Variants in CDH2 observed in about 807,000 individuals in gnomAD.
The protein encoded by CDH2 is cadherin-2.
Under a neutral mutation model 92.0 loss-of-function variants are expected in CDH2, and 17 were observed. That is an observed-to-expected ratio of 0.18 (90% CI 0.13 to 0.28). The LOEUF is 0.28. Among genes scored for constraint, CDH2 ranks in the 10% least tolerant of loss-of-function variants. The probability of loss-of-function intolerance (pLI) is 1.00; values close to 1 mark genes in which losing one functional copy is unlikely to be tolerated. For missense variants in CDH2, 862 were observed against 1,133.1 expected (o/e 0.76, Z 3.44); for synonymous variants, 419 against 415.9 (o/e 1.01, Z -0.09).
intron 2 of CDH2, among the ~76,000 whole-genome samples, chr18:28,067,818 A>C (rs1422475662): frequency 1.3e-5 from 2 of 152,148 alleles, no homozygotes; most frequent in Non-Finnish European, 2.9e-5. Flanking sequence ...CTTAGGGTCA[A>C]GTTTTAATAT....
At chr18:28,073,330 T>C (rs1276312841) in intron 2 of CDH2, among the ~76,000 whole-genome samples, 1 of 152,196 alleles carries the variant, frequency 6.6e-6, no homozygotes, top group Non-Finnish European at 1.5e-5. Flanking sequence ...AATGAGGGCC[T>C]TTAAAAAGCT....
At chr18:27,959,996 C>G (rs886947597) in intron 15 of CDH2, among the ~76,000 whole-genome samples, 4 of 146,642 alleles carry the variant, frequency 2.7e-5, no homozygotes, top group South Asian at 2.2e-4. Context: ...GCCTGAGCAA[C>G]AGAGAGAGAC....
chr18:28,075,498 A>C (rs1356337962), intron 2 of CDH2, among the ~76,000 whole-genome samples: 1 of 152,172 alleles, frequency 6.6e-6, no homozygotes, highest in East Asian at 1.9e-4. Context: ...CAAACAGGGA[A>C]CTGACATGTT....
intron 2 of CDH2, among the ~76,000 whole-genome samples, chr18:28,145,831 A>T (rs890655059): frequency 6.7e-5 from 10 of 148,848 alleles, no homozygotes; most frequent in Non-Finnish European, 1.3e-4. Context: ...AAAACTGTTT[A>T]AAAAAAAAAG....
intron 2 of CDH2, among the ~76,000 whole-genome samples, chr18:28,110,312 A>G (rs1396600972): frequency 6.6e-6 from 1 of 152,204 alleles, no homozygotes; most frequent in African/African-American, 2.4e-5. Context: ...TCACTGCATA[A>G]ATTATTTCTT....
At chr18:28,038,883 G>A (rs2013893025) in intron 2 of CDH2, among the ~76,000 whole-genome samples, 1 of 152,074 alleles carries the variant, frequency 6.6e-6, no homozygotes. Context: ...TTTTTTAAGA[G>A]CACGACTGCT....
At chr18:28,106,542 TA>T (rs1285618863) in intron 2 of CDH2, among the ~76,000 whole-genome samples, 1 of 151,916 alleles carries the variant, frequency 6.6e-6, no homozygotes, top group African/African-American at 2.4e-5. Flanking sequence ...CATTATCCAG[TA>T]CAGTTAAAAA....
chr18:28,086,245 A>G (rs899367014), intron 2 of CDH2, among the ~76,000 whole-genome samples: 4 of 152,178 alleles, frequency 2.6e-5, no homozygotes, highest in Non-Finnish European at 5.9e-5. Flanking sequence ...TTATTATCCT[A>G]AAGAAGTGGC....
chr18:28,037,594 C>T (rs2013860660), intron 2 of CDH2, among the ~76,000 whole-genome samples: 1 of 152,050 alleles, frequency 6.6e-6, no homozygotes, highest in East Asian at 1.9e-4. Context: ...GCAGAAATAA[C>T]CCAGAGCAGA....
At chr18:28,175,201 T>C (rs1230340573) in intron 1 of CDH2, among the ~76,000 whole-genome samples, 4 of 152,204 alleles carry the variant, frequency 2.6e-5, no homozygotes, top group Admixed American at 1.3e-4. Flanking sequence ...AGCAAGTGAC[T>C]GGCAGGTCTC....
In CDH2 at chr18:27,990,158, C is replaced by G. The variant is rs201838069; in HGVS notation, c.1537G>C (p.Gly513Arg). The G allele has an allele frequency of 3.2e-5, 51 of 1,613,732 alleles. No homozygotes were observed. The highest frequency in any genetic ancestry group is 3.3e-4 in the Middle Eastern group (2 of 6,084). The change falls in exon 10 of 16, where the codon GGT becomes CGT. Residue 513 changes from glycine (G) to arginine (R), a missense_variant. Physicochemically the swap from Gly to Arg is moderately radical, Grantham distance 125. Coordinates refer to ENST00000269141, the MANE Select transcript of CDH2 (RefSeq NM_001792.5). Reference sequence around the variant, plus strand: ...GCAGTGAATGTTGTCAACATGGTACCGGCATGAAGCCCTTCTTCTTGGCGA... The same window carrying G: ...GCAGTGAATGTTGTCAACATGGTACGGGCATGAAGCCCTTCTTCTTGGCGA... ...IIRQEEGLHAGTMLTTFTAQD... is the reference protein window; with the variant it reads ...IIRQEEGLHARTMLTTFTAQD...
chr18:28,132,954 G>T (rs1030284625), intron 2 of CDH2, among the ~76,000 whole-genome samples: 68 of 150,896 alleles, frequency 4.5e-4, no homozygotes, highest in African/African-American at 1.6e-3. Flanking sequence ...GTTCAGATTT[G>T]GGGGGAGTAT....
chr18:27,968,095 A>C (rs1567941739), intron 14 of CDH2, among the ~76,000 whole-genome samples: 1 of 152,228 alleles, frequency 6.6e-6, no homozygotes, highest in African/African-American at 2.4e-5. Flanking sequence ...AGAGAGCAAG[A>C]AAGCAAGCAA....
At chr18:28,021,367 T>C (rs1249553184) in intron 2 of CDH2, among the ~76,000 whole-genome samples, 1 of 151,776 alleles carries the variant, frequency 6.6e-6, no homozygotes, top group Non-Finnish European at 1.5e-5. Context: ...TATCATAACA[T>C]GGGAAAAAAG....
chr18:27,939,048 A>G (rs1334702056), intron 6 of CDH2, among the ~76,000 whole-genome samples: 5 of 152,174 alleles, frequency 3.3e-5, no homozygotes, highest in Admixed American at 2.6e-4. Flanking sequence ...TCTGGATCAG[A>G]TGAATTTTCT....
chr18:28,023,933 C>CATAT (rs1257197259), intron 2 of CDH2, among the ~76,000 whole-genome samples: 3 of 152,068 alleles, frequency 2.0e-5, no homozygotes, highest in Non-Finnish European at 4.4e-5. Context: ...TGATAGTGAA[C>CATAT]ATATAGGCTG....
At chr18:28,049,773 T>G (rs2014154102) in intron 2 of CDH2, among the ~76,000 whole-genome samples, 1 of 152,234 alleles carries the variant, frequency 6.6e-6, no homozygotes, top group Non-Finnish European at 1.5e-5. Flanking sequence ...ATTTAACCCG[T>G]ATGCAACTAA....
In CDH2 at chr18:27,990,473, C is replaced by T. The variant is rs567041309; in HGVS notation, c.1345-123G>A. 857 of 854,900 alleles carry T rather than the reference C, an allele frequency of 1.0e-3. 4 individuals carry two copies. Among genetic ancestry groups the T allele is most frequent in the South Asian group, 1.7e-3 (89 of 52,446 alleles). The allele number at this position is 854,900 out of a possible 1,614,324, so 53.0% of individuals were successfully genotyped here. A position where few individuals can be genotyped will look rare whatever the true frequency, so the allele number is the denominator to read the frequency against. ...TCTTCATTCACTACATAACAAGGTT[C>T]CTCTCAAGTTTCTGGAAAACATGCA... On this transcript the variant is annotated intron_variant, in intron 9 of 15. Transcript: ENST00000269141.
At chr18:27,987,306 G>A (rs2012266819) in intron 11 of CDH2, among the ~76,000 whole-genome samples, 2 of 152,110 alleles carry the variant, frequency 1.3e-5, no homozygotes, top group African/African-American at 4.8e-5. Context: ...AATGGCAAAA[G>A]CTATTCCTAC....
Sources: allele counts gnomAD v4.1 joint callset (sites outside exome capture counted in the v4.1 genomes callset), GRCh38; gene constraint gnomAD v4.1.1; transcripts MANE v1.5; gene names NCBI Gene and HGNC (gene_info 2026-07-23, HGNC 2026-07-21).